The following RMDN2 variants were observed in gnomAD, a reference collection of about 807,000 sequenced individuals.
RMDN2 encodes regulator of microtubule dynamics protein 2.
A neutral mutation model predicts 52.8 loss-of-function variants in RMDN2; 61 were observed. The ratio of observed to expected loss-of-function variants is 1.16; its 90% confidence interval spans 0.94 to 1.43. The LOEUF is 1.43. Ranked by LOEUF, RMDN2 falls within the 40% of genes most tolerant of loss-of-function variation. RMDN2 has a pLI of 0.00. For missense variants in RMDN2, 592 were observed against 475.3 expected (o/e 1.25, Z -2.28); for synonymous variants, 180 against 153.1 (o/e 1.18, Z -1.30).
chr2:37,932,968 C>A (rs984066465), intron 2 of RMDN2, among the ~76,000 whole-genome samples: 2 of 151,760 alleles, frequency 1.3e-5, no homozygotes, highest in African/African-American at 4.8e-5. Context: ...AGACGCTCCT[C>A]ACTTCCCAGA....
At chr2:37,997,612 C>A in intron 8 of RMDN2, 98 bp downstream of exon 8, 1 of 806,862 alleles carries the variant, frequency 1.2e-6, no homozygotes, top group Non-Finnish European at 2.1e-6. Flanking sequence ...CATGTGGAGC[C>A]TCAGTTTGAA....
At chr2:37,953,182 A>T (rs144874728) in intron 2 of RMDN2, 1 of 151,946 alleles carries the variant, frequency 6.6e-6, no homozygotes, top group African/African-American at 2.4e-5. Context: ...TTTAATTTTT[A>T]AAAATTGTGA....
chr2:38,009,095 C>A (rs557613177), intron 10 of RMDN2, among the ~76,000 whole-genome samples: 1 of 152,320 alleles, frequency 6.6e-6, no homozygotes, highest in East Asian at 1.9e-4. Context: ...GATGGGCTTC[C>A]CTTTATGGGT....
At chr2:37,934,217 C>T (rs1375647952) in intron 2 of RMDN2, among the ~76,000 whole-genome samples, 1 of 152,190 alleles carries the variant, frequency 6.6e-6, no homozygotes, top group Non-Finnish European at 1.5e-5. Flanking sequence ...TAATTATATC[C>T]TTAGTTGTTG....
intron 10 of RMDN2, among the ~76,000 whole-genome samples, chr2:38,046,544 C>T (rs982462889): frequency 1.3e-5 from 2 of 151,738 alleles, no homozygotes; most frequent in Admixed American, 1.3e-4. Flanking sequence ...CAAAGAAATC[C>T]ACATCTAAGA....
chr2:38,027,006 C>G (rs560397026), intron 10 of RMDN2: 23 of 152,234 alleles, frequency 1.5e-4, no homozygotes, highest in African/African-American at 5.3e-4. Context: ...GTTTGTACGA[C>G]TTGAATCTGT....
intron 2 of RMDN2, among the ~76,000 whole-genome samples, chr2:37,942,469 T>C (rs1332766097): frequency 6.6e-6 from 1 of 152,222 alleles, no homozygotes; most frequent in Non-Finnish European, 1.5e-5. Flanking sequence ...AAGTCCTGAG[T>C]TATAGATTAA....
chr2:38,042,510 G>T (rs138942750), intron 10 of RMDN2, among the ~76,000 whole-genome samples: 4 of 149,394 alleles, frequency 2.7e-5, no homozygotes, highest in African/African-American at 5.0e-5. Flanking sequence ...CAGCAGTTTT[G>T]GTTTCTACTC....
intron 2 of RMDN2, chr2:37,952,656 A>G (rs1022394302): frequency 3.9e-5 from 7 of 178,010 alleles, no homozygotes; most frequent in African/African-American, 1.4e-4. Flanking sequence ...ACATTTTCAT[A>G]TATATCAGCC....
In RMDN2 at chr2:37,929,660, A is replaced by G; in HGVS notation, c.383A>G (p.Lys128Arg). ...HKISPQHRARKRRLPTIQSSA... is the reference protein window; with the variant it reads ...HKISPQHRARRRRLPTIQSSA... ...ATAAGCCCTCAGCACAGAGCGAGAAAAAGAAGACTCCCCACAATTCAAAGT... is the reference window on the plus strand; with the variant it reads ...ATAAGCCCTCAGCACAGAGCGAGAAGAAGAAGACTCCCCACAATTCAAAGT... Residue 128 changes from lysine to arginine, a missense_variant, in exon 2 of 11, where the codon AAA becomes AGA. By Grantham distance (26) the Lys-to-Arg change is conservative (BLOSUM62 2). Transcript: ENST00000354545. 1 of 1,541,594 alleles carries G rather than the reference A, an allele frequency of 6.5e-7. No individual in the cohort carries two copies. The highest frequency in any genetic ancestry group is 8.7e-7 in the Non-Finnish European group (1 of 1,144,664).
intron 8 of RMDN2, among the ~76,000 whole-genome samples, chr2:38,003,278 A>G (rs1676557905): frequency 6.6e-6 from 1 of 152,056 alleles, no homozygotes; most frequent in Non-Finnish European, 1.5e-5. Context: ...TGAGGCTGGG[A>G]GTGGTGGCTC....
At chr2:37,960,465 C>G (rs1004763476) in intron 2 of RMDN2, among the ~76,000 whole-genome samples, 2 of 151,942 alleles carry the variant, frequency 1.3e-5, no homozygotes, top group African/African-American at 2.4e-5. Context: ...ATTGCAACCC[C>G]TGCTTTTTTT....
intron 10 of RMDN2, among the ~76,000 whole-genome samples, chr2:38,023,541 T>C (rs1228023947): frequency 1.3e-5 from 2 of 152,164 alleles, no homozygotes; most frequent in Non-Finnish European, 2.9e-5. Context: ...CAAGATAAGG[T>C]AGTGAAGCCT....
At chr2:38,003,566 A>AGATG (rs1676619706) in intron 8 of RMDN2, among the ~76,000 whole-genome samples, 1 of 150,572 alleles carries the variant, frequency 6.6e-6, no homozygotes, top group African/African-American at 2.4e-5. Flanking sequence ...ATAGATAGAT[A>AGATG]GATAGATAGA....
upstream of RMDN2, among the ~76,000 whole-genome samples, chr2:37,921,691 G>A (rs142285620): frequency 1.5e-3 from 222 of 152,246 alleles, no homozygotes; most frequent in African/African-American, 5.1e-3. Context: ...TCAAAGGCAG[G>A]GTCTGGGGGT....
chr2:37,987,079 TA>T (rs902706238), intron 5 of RMDN2, among the ~76,000 whole-genome samples: 37 of 150,274 alleles, frequency 2.5e-4, no homozygotes, highest in African/African-American at 7.1e-4. Context: ...GTAAAAAATC[TA>T]AAAAAAAAAT....
chr2:38,051,244 A>G (rs1332339752), intron 10 of RMDN2, among the ~76,000 whole-genome samples: 1 of 124,810 alleles, frequency 8.0e-6, no homozygotes, highest in Non-Finnish European at 1.6e-5. Flanking sequence ...CGTAAAAACA[A>G]AATTGTAAAA....
intron 2 of RMDN2, among the ~76,000 whole-genome samples, chr2:37,938,898 A>C (rs1667546808): frequency 6.6e-6 from 1 of 152,098 alleles, no homozygotes; most frequent in Non-Finnish European, 1.5e-5. Flanking sequence ...TATCTCCTTC[A>C]GTTCTGCTCT....
chr2:37,960,577 G>GT (rs1257830669), intron 2 of RMDN2, among the ~76,000 whole-genome samples: 1 of 151,966 alleles, frequency 6.6e-6, no homozygotes, highest in Non-Finnish European at 1.5e-5. Flanking sequence ...CACACCAATG[G>GT]GTCTTGACTC....
Sources: allele counts gnomAD v4.1 joint callset (sites outside exome capture counted in the v4.1 genomes callset), GRCh38; gene constraint gnomAD v4.1.1; transcripts MANE v1.5; gene names NCBI Gene and HGNC (gene_info 2026-07-23, HGNC 2026-07-21).